RIT2: variants seen among roughly 807,000 people sequenced by gnomAD.
RIT2 encodes Ras like without CAAX 2.
A neutral mutation model predicts 23.7 loss-of-function variants in RIT2; 24 were observed. The observed-to-expected ratio is 1.01, with a 90% CI of 0.73 to 1.43. The LOEUF is 1.43. RIT2 is among the 40% of genes most tolerant of loss of function. RIT2 has a pLI of 0.00. For missense variants in RIT2, 236 were observed against 266.9 expected, an observed-to-expected ratio of 0.88 and a Z score of 0.81; for synonymous variants, 107 against 91.1, an observed-to-expected ratio of 1.17 and a Z score of -0.99.
At chr18:42,961,188 T>C (rs1045135970) in intron 3 of RIT2, among the ~76,000 whole-genome samples, 7 of 152,244 alleles carry the variant, frequency 4.6e-5, no homozygotes, top group Non-Finnish European at 1.0e-4. Context: ...AGCTGATATG[T>C]ATCCTAATCT....
intron 1 of RIT2, among the ~76,000 whole-genome samples, chr18:43,054,486 T>C (rs528544447): frequency 2.0e-5 from 3 of 152,166 alleles, no homozygotes; most frequent in Non-Finnish European, 4.4e-5. Flanking sequence ...AGAATATTAA[T>C]TGAAGCATAA....
rs143547001 is a variant in RIT2, at chr18:43,056,071, C to T, written c.104-22204G>A. Among the ~76,000 whole-genome samples the T allele has an allele frequency of 2.8e-3, 430 of 152,108 alleles. 2 individuals carry two copies. Among genetic ancestry groups the T allele is most frequent in the African/African-American group, 9.7e-3 (403 of 41,520 alleles). ...GAAGGTTTATGTACAGGGTCCAGTC[C>T]TGTGTGCAAAAGTAAGAAATAAGTG... On this transcript the variant is annotated intron_variant, in intron 1 of 4. Transcript: ENST00000326695.
At chr18:42,815,003 G>A (rs1905955681) in intron 4 of RIT2, among the ~76,000 whole-genome samples, 1 of 152,062 alleles carries the variant, frequency 6.6e-6, no homozygotes, top group African/African-American at 2.4e-5. Flanking sequence ...ACATCCCGTG[G>A]GAAAAATAAT....
intron 4 of RIT2, among the ~76,000 whole-genome samples, chr18:42,814,452 C>T (rs1905938621): frequency 6.6e-6 from 1 of 152,108 alleles, no homozygotes; most frequent in South Asian, 2.1e-4. Flanking sequence ...CGGCTTTCCC[C>T]CACTTCCCTG....
chr18:43,110,734 T>A (rs1211872650), intron 1 of RIT2, among the ~76,000 whole-genome samples: 1 of 152,172 alleles, frequency 6.6e-6, no homozygotes, highest in African/African-American at 2.4e-5. Flanking sequence ...CAGTTTGTAA[T>A]ATAAGTTTCT....
intron 4 of RIT2, among the ~76,000 whole-genome samples, chr18:42,900,678 T>A (rs1364426750): frequency 2.6e-5 from 4 of 152,040 alleles, no homozygotes; most frequent in Non-Finnish European, 5.9e-5. Context: ...TTCATTAATA[T>A]CAGTGTTGAT....
At chr18:42,867,836 C>T (rs1037853020) in intron 4 of RIT2, among the ~76,000 whole-genome samples, 9 of 152,142 alleles carry the variant, frequency 5.9e-5, no homozygotes, top group African/African-American at 2.2e-4. Context: ...TCACGATTCT[C>T]AGCAATTTCA....
At position 43,114,026 on chromosome 18, in the gene RIT2, C is replaced by A. The variant is rs888422652; in HGVS notation, c.103+1391G>T. Among the ~76,000 whole-genome samples, 5 of 152,166 alleles carry A rather than the reference C, an allele frequency of 3.3e-5. No homozygotes were observed. In the East Asian group the frequency reaches 9.7e-4, roughly 29 times the overall value. ...CATGTTGTCTCTATCCTTCCTCCAT[C>A]CCTTCCTCCTTCCTTAAATCCTAAC... On this transcript the variant is annotated intron_variant, in intron 1 of 4. Coordinates refer to ENST00000326695, the MANE Select transcript of RIT2 (RefSeq NM_002930.4).
rs561451214 is a variant in RIT2, at chr18:43,043,824, CAAATAAAT to C, written c.104-9965_104-9958del. ...CAAACAAACAAATAAATAAATAAATCAAATAAATAAATAAATAAATAAAAGAAAGCAGG... is the reference window on the plus strand; with the variant it reads ...CAAACAAACAAATAAATAAATAAATCAAATAAATAAATAAAAGAAAGCAGG... On this transcript the variant is annotated intron_variant, in intron 1 of 4. Transcript: ENST00000326695. Among the ~76,000 whole-genome samples, 321 of 151,890 alleles carry C rather than the reference CAAATAAAT, an allele frequency of 2.1e-3. 1 individual carries two copies. The highest frequency in any genetic ancestry group is 7.3e-3 in the African/African-American group (301 of 41,412).
chr18:42,907,077 T>C (rs545486006), intron 4 of RIT2, among the ~76,000 whole-genome samples: 46 of 152,324 alleles, frequency 3.0e-4, no homozygotes, highest in African/African-American at 1.1e-3. Context: ...AAGTAAATTA[T>C]GTCTGTATCT....
intron 1 of RIT2, among the ~76,000 whole-genome samples, chr18:43,046,157 A>G (rs935895482): frequency 6.6e-6 from 1 of 152,154 alleles, no homozygotes; most frequent in Non-Finnish European, 1.5e-5. Context: ...TCATGCAAAA[A>G]TCTTGTATTT....
intron 2 of RIT2, among the ~76,000 whole-genome samples, chr18:43,026,097 C>G (rs1335085358): frequency 1.3e-5 from 2 of 151,890 alleles, no homozygotes; most frequent in East Asian, 3.9e-4. Flanking sequence ...TGGCTCAGAT[C>G]AAGATGGTAG....
chr18:42,876,921 C>G (rs1321251439), intron 4 of RIT2, among the ~76,000 whole-genome samples: 5 of 151,694 alleles, frequency 3.3e-5, no homozygotes, highest in African/African-American at 9.7e-5. Flanking sequence ...CTTGCTATCC[C>G]TGGTAAGCGT....
At chr18:42,991,745 T>G (rs1910854328) in intron 2 of RIT2, among the ~76,000 whole-genome samples, 2 of 152,112 alleles carry the variant, frequency 1.3e-5, no homozygotes, top group Admixed American at 6.5e-5. Flanking sequence ...GCTCCCGTAC[T>G]GAGCACCTTG....
intron 4 of RIT2, among the ~76,000 whole-genome samples, chr18:42,895,471 T>C (rs887482654): frequency 2.0e-5 from 3 of 152,196 alleles, no homozygotes; most frequent in Middle Eastern, 3.2e-3. Flanking sequence ...ATTATTATTT[T>C]TACTTCCTGT....
intron 4 of RIT2, among the ~76,000 whole-genome samples, chr18:42,904,955 T>C (rs1054842237): frequency 6.6e-6 from 1 of 152,172 alleles, no homozygotes; most frequent in Non-Finnish European, 1.5e-5. Context: ...AACTAGGACA[T>C]AGAAAGATGA....
intron 1 of RIT2, among the ~76,000 whole-genome samples, chr18:43,045,533 A>T (rs1335416258): frequency 6.6e-6 from 1 of 152,184 alleles, no homozygotes; most frequent in Admixed American, 6.5e-5. Context: ...CAAAGCATTA[A>T]GGCACCCGTG....
In RIT2 at chr18:42,804,211, G is replaced by A. The variant is rs1276823899; in HGVS notation, c.427-60491C>T. Among the ~76,000 whole-genome samples, 5 of 152,260 alleles carry A rather than the reference G, an allele frequency of 3.3e-5. 1 individual carries two copies. Among genetic ancestry groups the A allele is most frequent in the Admixed American group, 3.3e-4 (5 of 15,304 alleles). ...ACAAAATACAGATCAAGCGTAAATT[G>A]TACAAGAAAGAACATTCACTCCAAC... On this transcript the variant is annotated intron_variant, in intron 4 of 4. Transcript: ENST00000326695.
At chr18:43,035,995 A>T (rs1015954581) in intron 1 of RIT2, among the ~76,000 whole-genome samples, 1 of 152,138 alleles carries the variant, frequency 6.6e-6, no homozygotes, top group African/African-American at 2.4e-5. Flanking sequence ...ACCTTCCTCT[A>T]TCAGGTAGCA....
Sources: gnomAD v4.1 joint callset for allele counts (sites outside exome capture counted in the v4.1 genomes callset) on GRCh38, gnomAD v4.1.1 for gene constraint, MANE v1.5 for transcripts, NCBI Gene and HGNC (gene_info 2026-07-23, HGNC 2026-07-21) for gene names.